GALNT13: variants seen among roughly 807,000 people sequenced by gnomAD.
GALNT13 encodes UDP-GalNAc:polypeptide N-acetylgalactosaminyltransferase 13.
A neutral mutation model predicts 64.2 loss-of-function variants in GALNT13; 28 were observed. That is an observed-to-expected ratio of 0.44 (90% confidence interval 0.32 to 0.60). The LOEUF is 0.60. Among genes scored for constraint, GALNT13 ranks in the 20% least tolerant of loss-of-function variants. The pLI is 0.05. For missense variants in GALNT13, 577 were observed against 669.8 expected (o/e 0.86, Z 1.53); for synonymous variants, 214 against 224.6 (o/e 0.95, Z 0.42).
intron 4 of GALNT13, among the ~76,000 whole-genome samples, chr2:154,214,808 T>C (rs940984072): frequency 6.6e-5 from 10 of 152,170 alleles, no homozygotes; most frequent in Non-Finnish European, 1.0e-4. Flanking sequence ...CAGTTATTTA[T>C]AGCAGTGTGA....
At chr2:154,172,541 T>C (rs902558765) in intron 4 of GALNT13, among the ~76,000 whole-genome samples, 3 of 152,022 alleles carry the variant, frequency 2.0e-5, no homozygotes, top group Non-Finnish European at 4.4e-5. Flanking sequence ...GAACACGTAG[T>C]ATTTATTTTT....
chr2:154,328,441 G>A (rs998645177), intron 9 of GALNT13, among the ~76,000 whole-genome samples: 1 of 152,020 alleles, frequency 6.6e-6, no homozygotes, highest in Non-Finnish European at 1.5e-5. Flanking sequence ...TGCCAATTAT[G>A]GATATTTGCA....
the GALNT13 span, among the ~76,000 whole-genome samples, chr2:153,521,510 T>C: frequency 6.6e-6 from 1 of 152,192 alleles, no homozygotes; most frequent in African/African-American, 2.4e-5. Context: ...GAGTGGTACA[T>C]GTTATAATTG....
At chr2:153,536,590 C>G in the GALNT13 span, among the ~76,000 whole-genome samples, 106 of 152,226 alleles carry the variant, frequency 7.0e-4, no homozygotes, top group East Asian at 0.017. Context: ...CAGGTATATG[C>G]TTATCATTTT....
chr2:153,841,805 A>C, the GALNT13 span, among the ~76,000 whole-genome samples: 1 of 152,228 alleles, frequency 6.6e-6, no homozygotes, highest in Non-Finnish European at 1.5e-5. Flanking sequence ...TTCTTTATTA[A>C]GTAGTCTATG....
the GALNT13 span, among the ~76,000 whole-genome samples, chr2:153,704,978 C>A: frequency 2.0e-5 from 3 of 152,152 alleles, no homozygotes; most frequent in Non-Finnish European, 4.4e-5. Flanking sequence ...TCAATAACCT[C>A]ATTTATACTG....
the GALNT13 span, among the ~76,000 whole-genome samples, chr2:153,389,635 A>G: frequency 2.0e-5 from 3 of 152,066 alleles, no homozygotes; most frequent in African/African-American, 7.2e-5. Context: ...AAGTTTGTGA[A>G]ACGTGGATGT....
the GALNT13 span, among the ~76,000 whole-genome samples, chr2:153,476,102 C>A: frequency 6.6e-6 from 1 of 152,168 alleles, no homozygotes; most frequent in African/African-American, 2.4e-5. Flanking sequence ...GAACAACAAG[C>A]AAAACTTCAA....
the GALNT13 span, among the ~76,000 whole-genome samples, chr2:153,605,639 AC>A: frequency 2.0e-5 from 3 of 152,044 alleles, no homozygotes; most frequent in Admixed American, 6.6e-5. Flanking sequence ...GTCAGACTTT[AC>A]TTTTACCTAG....
At chr2:153,367,946 T>A in the GALNT13 span, among the ~76,000 whole-genome samples, 1 of 152,114 alleles carries the variant, frequency 6.6e-6, no homozygotes, top group South Asian at 2.1e-4. Context: ...TGGTAGATTT[T>A]TATTGCAACC....
At chr2:154,125,619 A>G (rs66697787) in intron 3 of GALNT13, among the ~76,000 whole-genome samples, 7,704 of 152,274 alleles carry the variant, frequency 0.051, 261 homozygotes, top group South Asian at 0.11. Context: ...AGGAGGTGAC[A>G]ATAAGTCATT....
At chr2:153,079,843 G>A in the GALNT13 span, among the ~76,000 whole-genome samples, 1 of 152,146 alleles carries the variant, frequency 6.6e-6, no homozygotes, top group African/African-American at 2.4e-5. Flanking sequence ...GTGTTTAAAG[G>A]ATGCGCTGCG....
At chr2:153,373,956 C>T in the GALNT13 span, among the ~76,000 whole-genome samples, 12 of 152,208 alleles carry the variant, frequency 7.9e-5, no homozygotes, top group South Asian at 1.4e-3. Context: ...ATCTTTTTTA[C>T]GGTTGAATAA....
At chr2:153,547,614 C>T in the GALNT13 span, among the ~76,000 whole-genome samples, 1 of 152,136 alleles carries the variant, frequency 6.6e-6, no homozygotes, top group African/African-American at 2.4e-5. Context: ...GTGACAATGT[C>T]AAAAATTCCC....
chr2:154,311,400 C>A (rs1694031433), intron 9 of GALNT13, among the ~76,000 whole-genome samples: 3 of 151,980 alleles, frequency 2.0e-5, no homozygotes, highest in African/African-American at 7.2e-5. Context: ...ATCCGTGATG[C>A]CCCACAAGCC....
intron 3 of GALNT13, among the ~76,000 whole-genome samples, chr2:153,964,736 AG>A (rs1378556790): frequency 6.6e-6 from 1 of 152,012 alleles, no homozygotes; most frequent in African/African-American, 2.4e-5. Flanking sequence ...TATTCATTGT[AG>A]AAAAAAATAA....
the GALNT13 span, among the ~76,000 whole-genome samples, chr2:153,456,982 G>A: frequency 3.9e-5 from 6 of 152,190 alleles, no homozygotes; most frequent in East Asian, 1.2e-3. Flanking sequence ...CAGATCTGGT[G>A]CTGTCACAGT....
In GALNT13 at chr2:154,450,393, A is replaced by G. The variant is rs369555512; in HGVS notation, c.1531-18A>G. ...AAAGACGAAATAAGCTGCACTGATT[A>G]TTGGTTATCTTTTACAGAGACTCAC... On this transcript the variant is annotated intron_variant, in intron 12 of 12. Transcript: ENST00000392825. 33 of 1,600,632 alleles carry G rather than the reference A, an allele frequency of 2.1e-5. No homozygotes were observed. The highest frequency in any genetic ancestry group is 2.5e-5 in the Non-Finnish European group (29 of 1,174,216).
At chr2:154,136,420 T>C (rs1682952369) in intron 3 of GALNT13, among the ~76,000 whole-genome samples, 1 of 152,134 alleles carries the variant, frequency 6.6e-6, no homozygotes, top group African/African-American at 2.4e-5. Flanking sequence ...TTTTCCTAGA[T>C]ATAGACTAGT....
Sources: allele counts gnomAD v4.1 joint callset (sites outside exome capture counted in the v4.1 genomes callset), GRCh38; gene constraint gnomAD v4.1.1; transcripts MANE v1.5; gene names NCBI Gene and HGNC (gene_info 2026-07-23, HGNC 2026-07-21).